The following CEP112 variants were observed in gnomAD, a reference collection of about 807,000 sequenced individuals.
CEP112 encodes centrosomal protein of 112 kDa.
A neutral mutation model predicts 153.0 loss-of-function variants in CEP112; 127 were observed. The ratio of observed to expected loss-of-function variants is 0.83; its 90% confidence interval spans 0.72 to 0.96. The LOEUF is 0.96. CEP112 is among the 40% of genes least tolerant of loss of function. CEP112 has a pLI of 0.00. For missense variants in CEP112, 1,089 were observed against 1,101.2 expected (o/e 0.99, Z 0.16); for synonymous variants, 358 against 374.4 (o/e 0.96, Z 0.51).
intron 21 of CEP112, among the ~76,000 whole-genome samples, chr17:65,814,627 G>A (rs1031223892): frequency 6.6e-6 from 1 of 152,140 alleles, no homozygotes; most frequent in African/African-American, 2.4e-5. Flanking sequence ...ACACAGAGTG[G>A]TGCTCTCCCC....
At chr17:65,891,502 C>T (rs1022552262) in intron 20 of CEP112, among the ~76,000 whole-genome samples, 6 of 152,168 alleles carry the variant, frequency 3.9e-5, no homozygotes, top group African/African-American at 1.4e-4. Context: ...AACCAAAACT[C>T]TAGGAGTTAC....
intron 4 of CEP112, among the ~76,000 whole-genome samples, chr17:66,154,003 GA>G (rs59042292): frequency 0.55 from 73,362 of 134,008 alleles, 19,984 homozygotes; most frequent in East Asian, 0.85. Context: ...TCTCTACTAA[GA>G]AAAAAAAAAA....
At chr17:65,892,871 T>C (rs2059521372) in intron 20 of CEP112, among the ~76,000 whole-genome samples, 1 of 152,158 alleles carries the variant, frequency 6.6e-6, no homozygotes, top group Admixed American at 6.5e-5. Context: ...CAGGAAACAT[T>C]TGGTGAACAC....
chr17:65,698,926 A>T (rs910479799), intron 23 of CEP112, among the ~76,000 whole-genome samples: 1 of 152,074 alleles, frequency 6.6e-6, no homozygotes, highest in African/African-American at 2.4e-5. Context: ...CATTCATTTA[A>T]ATTTCGATTT....
At chr17:65,939,000 T>C (rs1477014437) in intron 18 of CEP112, among the ~76,000 whole-genome samples, 3 of 151,990 alleles carry the variant, frequency 2.0e-5, no homozygotes, top group South Asian at 2.1e-4. Flanking sequence ...TTTGTAGAGA[T>C]GGGGTTTGAC....
chr17:66,041,881 A>C (rs576550796), intron 12 of CEP112, among the ~76,000 whole-genome samples: 1 of 152,350 alleles, frequency 6.6e-6, no homozygotes, highest in Non-Finnish European at 1.5e-5. Flanking sequence ...CCCACCCTCA[A>C]GAGCAGGGAG....
In CEP112 at chr17:65,802,208, T is replaced by C. The variant is rs182767914; in HGVS notation, c.2394+49596A>G. ...AACAATAAGTCTTCCAGTTTTCTCA[T>C]TGCTTTTATGGAAAAGAGACTTTGT... On this transcript the variant is annotated intron_variant, in intron 21 of 26. Coordinates refer to ENST00000535342, the MANE Select transcript of CEP112 (RefSeq NM_001199165.4). Among the ~76,000 whole-genome samples, 427 of 152,250 alleles carry C rather than the reference T, an allele frequency of 2.8e-3. 1 individual carries two copies. Among genetic ancestry groups the C allele is most frequent in the African/African-American group, 9.9e-3 (413 of 41,544 alleles).
intron 22 of CEP112, among the ~76,000 whole-genome samples, chr17:65,744,279 A>C (rs1226235903): frequency 6.7e-6 from 1 of 149,800 alleles, no homozygotes; most frequent in Admixed American, 6.6e-5. Flanking sequence ...TTTGAGACGG[A>C]GTCTTGCTCT....
chr17:65,796,042 G>C (rs761516425), intron 21 of CEP112, among the ~76,000 whole-genome samples: 3 of 151,890 alleles, frequency 2.0e-5, no homozygotes, highest in East Asian at 3.9e-4. Context: ...ATTCTTCCTC[G>C]AGTGCTCCCA....
intron 6 of CEP112, among the ~76,000 whole-genome samples, chr17:66,116,428 TG>T (rs1156417953): frequency 6.6e-5 from 10 of 152,202 alleles, no homozygotes; most frequent in East Asian, 3.9e-4. Flanking sequence ...ATTTTGGCTT[TG>T]TTTTTTTAAT....
chr17:65,921,074 C>T (rs756572387), intron 19 of CEP112, among the ~76,000 whole-genome samples: 1 of 151,930 alleles, frequency 6.6e-6, no homozygotes, highest in Non-Finnish European at 1.5e-5. Context: ...ACAGAAATCT[C>T]ACTTTAGGTT....
intron 23 of CEP112, among the ~76,000 whole-genome samples, chr17:65,736,638 A>G (rs550810832): frequency 6.6e-6 from 1 of 152,296 alleles, no homozygotes; most frequent in African/African-American, 2.4e-5. Flanking sequence ...CGAAAGGTAG[A>G]TGCCCCAGGA....
intron 17 of CEP112, among the ~76,000 whole-genome samples, chr17:65,972,170 A>T (rs2062866276): frequency 6.6e-6 from 1 of 152,226 alleles, no homozygotes; most frequent in South Asian, 2.1e-4. Flanking sequence ...AGTCTCCATA[A>T]ATTTAAAAGG....
At chr17:66,057,758 TACAC>T (rs71160526) in intron 11 of CEP112, among the ~76,000 whole-genome samples, 47,480 of 141,910 alleles carry the variant, frequency 0.33, 8,300 homozygotes, top group East Asian at 0.71. Context: ...AAAATTACTC[TACAC>T]ACACACACAC....
At chr17:65,829,254 A>G (rs944747436) in intron 21 of CEP112, among the ~76,000 whole-genome samples, 6 of 152,134 alleles carry the variant, frequency 3.9e-5, no homozygotes, top group African/African-American at 1.2e-4. Context: ...TAATGTATTC[A>G]ATTTAGTTAA....
chr17:65,915,412 T>C (rs1268761803), intron 19 of CEP112, among the ~76,000 whole-genome samples: 1 of 147,802 alleles, frequency 6.8e-6, no homozygotes, highest in African/African-American at 2.5e-5. Context: ...ACTGCAATCA[T>C]CTCCTAACTA....
intron 21 of CEP112, among the ~76,000 whole-genome samples, chr17:65,816,564 ATTTTTC>A (rs1374674503): frequency 1.3e-5 from 2 of 151,746 alleles, no homozygotes; most frequent in Admixed American, 1.3e-4. Flanking sequence ...ATATAATATG[ATTTTTC>A]TTTTTTAGTC....
chr17:66,032,799 G>A (rs934978688), intron 12 of CEP112, among the ~76,000 whole-genome samples: 1 of 152,168 alleles, frequency 6.6e-6, no homozygotes, highest in South Asian at 2.1e-4. Context: ...TATGAGGCAT[G>A]TGTTTTCCTG....
At position 66,183,968 on chromosome 17, in the gene CEP112, ACCAGGCATGATAGCTCATGCCTGTAATC is replaced by A. The variant is rs543436669; in HGVS notation, c.-8-689_-8-662del. Among the ~76,000 whole-genome samples the A allele has an allele frequency of 1.5e-3, 223 of 152,136 alleles. 1 individual carries two copies. The highest frequency in any genetic ancestry group is 3.4e-3 in the Middle Eastern group (1 of 294). ...GCACTATCCACAAAAGGAAAAACTG[ACCAGGCATGATAGCTCATGCCTGTAATC>A]CCAGAACTTTGGGAGTCCCAGGCAG... On this transcript the variant is annotated intron_variant, in intron 1 of 26. Transcript: ENST00000535342.
Sources: allele counts gnomAD v4.1 joint callset (sites outside exome capture counted in the v4.1 genomes callset), GRCh38; gene constraint gnomAD v4.1.1; transcripts MANE v1.5; gene names NCBI Gene and HGNC (gene_info 2026-07-23, HGNC 2026-07-21).